The following NFAT5 variants were observed in gnomAD, a reference collection of about 807,000 sequenced individuals.
NFAT5 encodes nuclear factor of activated T cells 5.
In NFAT5, 31 loss-of-function variants were observed where a neutral mutation model predicts 166.5. That is an observed-to-expected ratio of 0.19 (90% CI 0.14 to 0.25). NFAT5 has a LOEUF of 0.25. Ranked by LOEUF, NFAT5 falls within the 10% of genes least tolerant of loss-of-function variation. The pLI is 1.00. For missense variants in NFAT5, 1,449 were observed against 1,821.8 expected, an observed-to-expected ratio of 0.80 and a Z score of 3.72; for synonymous variants, 612 against 639.7, an observed-to-expected ratio of 0.96 and a Z score of 0.65.
intron 6 of NFAT5, among the ~76,000 whole-genome samples, chr16:69,656,884 G>A (rs2035904102): frequency 1.3e-5 from 2 of 152,142 alleles, no homozygotes; most frequent in East Asian, 1.9e-4. Context: ...TTTAGATTAT[G>A]TGTTTTTCAT....
intron 2 of NFAT5, among the ~76,000 whole-genome samples, chr16:69,614,985 T>C (rs1206623175): frequency 6.6e-6 from 1 of 151,624 alleles, no homozygotes; most frequent in East Asian, 1.9e-4. Context: ...CAAGCAATTC[T>C]TGTGCCTCAG....
rs1000716592 is a variant in NFAT5 at position 69,691,893 on chromosome 16, C to G, written c.2068C>G (p.Pro690Ala). Residue 690 changes from proline (P) to alanine (A), a missense_variant, in exon 13 of 15, where the codon CCA becomes GCA. By Grantham distance (27) the Pro-to-Ala change is conservative (BLOSUM62 -1). Around this residue, in one of 7 missense-constraint regions of NFAT5, gnomAD observed 891 missense variants for 993.0 expected, o/e 0.90. Transcript: ENST00000349945. ...QQQIQPKAYN[P>A]ETLTTIQTQD... ...GCAGATTCAGCCCAAGGCATACAAC[C>G]CAGAGACCCTGACAACTATTCAAAC... 1 of 1,614,142 alleles carries G rather than the reference C, an allele frequency of 6.2e-7. No individual in the cohort carries two copies.
intron 2 of NFAT5, among the ~76,000 whole-genome samples, chr16:69,587,721 A>G (rs2032173463): frequency 6.6e-6 from 1 of 152,116 alleles, no homozygotes; most frequent in Non-Finnish European, 1.5e-5. Context: ...CAACTACTAA[A>G]GCATTTTCTA....
At chr16:69,644,692 G>A in intron 3 of NFAT5, 1 of 284,090 alleles carries the variant, frequency 3.5e-6, no homozygotes, top group Non-Finnish European at 7.1e-6. Context: ...TTACCTCAGA[G>A]AACAAGACAA....
chr16:69,608,563 T>C (rs1198449788), intron 2 of NFAT5, among the ~76,000 whole-genome samples: 1 of 151,250 alleles, frequency 6.6e-6, no homozygotes, highest in Non-Finnish European at 1.5e-5. Flanking sequence ...GAGTCCATCC[T>C]GGCTAACACG....
intron 7 of NFAT5, 68 bp from the exon 8 acceptor site, chr16:69,669,909 C>A: frequency 1.4e-6 from 2 of 1,388,218 alleles, no homozygotes; most frequent in South Asian, 1.5e-5. Flanking sequence ...CGGATGATTG[C>A]AAGTTGATTT....
chr16:69,585,138 C>T lies in NFAT5; in HGVS notation c.127+16590C>T, dbSNP rs890121934. On this transcript the variant is annotated intron_variant, in intron 2 of 14. Transcript: ENST00000349945. ...TCAGCCTCCCTAGTAGCTGGGACTACAGGCAGATGCCACCACGCCCAGCTA... is the reference window on the plus strand; with the variant it reads ...TCAGCCTCCCTAGTAGCTGGGACTATAGGCAGATGCCACCACGCCCAGCTA... Among the ~76,000 whole-genome samples the T allele has an allele frequency of 1.9e-3, 282 of 152,100 alleles. 5 individuals carry two copies. The highest frequency in any genetic ancestry group is 6.6e-4 in the Non-Finnish European group (45 of 68,000).
intron 4 of NFAT5, among the ~76,000 whole-genome samples, chr16:69,651,845 T>G (rs985021184): frequency 6.6e-6 from 1 of 151,928 alleles, no homozygotes; most frequent in Non-Finnish European, 1.5e-5. Context: ...TAATTTTTTG[T>G]AGTTTTAGTA....
At chr16:69,584,565 A>G (rs1314653049) in intron 2 of NFAT5, among the ~76,000 whole-genome samples, 1 of 151,878 alleles carries the variant, frequency 6.6e-6, no homozygotes, top group African/African-American at 2.4e-5. Flanking sequence ...CCTGACCTTA[A>G]GTAATCCACC....
Position 69,647,756 on chromosome 16 carries a change from A to G in NFAT5, c.812+170A>G, listed in dbSNP as rs1483792892. On this transcript the variant is annotated intron_variant, in intron 4 of 14. Transcript: ENST00000349945. This position sits in a 1 kb window ranked among gnomAD's most constrained non-coding sequence, Gnocchi z 4.8. The stretch of plus-strand genomic sequence containing the variant: ...TAACTTAAAATTACCAACTTTTACT[A>G]GATAGAAAATAAAATAATCATAGAT... Among the ~76,000 whole-genome samples the G allele has an allele frequency of 6.6e-6, 1 of 152,184 alleles. No homozygotes were observed. Among genetic ancestry groups the G allele is most frequent in the East Asian group, 1.9e-4 (1 of 5,204 alleles).
intron 2 of NFAT5, among the ~76,000 whole-genome samples, chr16:69,584,918 G>GTA (rs1258102614): frequency 6.6e-6 from 1 of 152,040 alleles, no homozygotes; most frequent in African/African-American, 2.4e-5. Context: ...ATATATACAT[G>GTA]TATATATATT....
chr16:69,587,698 T>G (rs1366715597), intron 2 of NFAT5, among the ~76,000 whole-genome samples: 1 of 152,172 alleles, frequency 6.6e-6, no homozygotes, highest in African/African-American at 2.4e-5. Context: ...CTAATTTCAC[T>G]TCTTATGGTC....
chr16:69,567,692 G>C (rs573055084), intron 1 of NFAT5, among the ~76,000 whole-genome samples: 7 of 152,146 alleles, frequency 4.6e-5, no homozygotes, highest in African/African-American at 1.4e-4. Flanking sequence ...ACTGTCTGTT[G>C]CTCCAATGAC....
intron 2 of NFAT5, among the ~76,000 whole-genome samples, chr16:69,622,284 T>C (rs1254672780): frequency 2.0e-5 from 3 of 152,208 alleles, no homozygotes; most frequent in African/African-American, 7.2e-5. Flanking sequence ...AAACCAGTTA[T>C]GTCTGAAATA....
intron 2 of NFAT5, among the ~76,000 whole-genome samples, chr16:69,608,384 G>A (rs967680078): frequency 6.6e-6 from 1 of 151,890 alleles, no homozygotes; most frequent in Non-Finnish European, 1.5e-5. Context: ...CTCCTTTCCA[G>A]TACTCTGCAT....
At chr16:69,589,401 G>T (rs1369111613) in intron 2 of NFAT5, among the ~76,000 whole-genome samples, 3 of 152,128 alleles carry the variant, frequency 2.0e-5, no homozygotes, top group African/African-American at 7.2e-5. Context: ...AGAACTGGAT[G>T]GTGTGTCCTA....
At chr16:69,635,073 C>T (rs1036457097) in intron 3 of NFAT5, among the ~76,000 whole-genome samples, 5 of 130,400 alleles carry the variant, frequency 3.8e-5, no homozygotes, top group East Asian at 2.2e-4. Flanking sequence ...TGCAATGGTG[C>T]GATCTCAGCT....
intron 9 of NFAT5, 42 bp from the exon 10 acceptor site, chr16:69,677,161 G>T (rs751972053): frequency 6.4e-7 from 1 of 1,562,734 alleles, no homozygotes; most frequent in Admixed American, 2.0e-5. Flanking sequence ...TTAAATTTAA[G>T]TATTGCTTCT....
At chr16:69,622,269 GAACCA>G (rs941249239) in intron 2 of NFAT5, among the ~76,000 whole-genome samples, 2 of 152,168 alleles carry the variant, frequency 1.3e-5, no homozygotes, top group African/African-American at 4.8e-5. Context: ...TAAAGTAGCA[GAACCA>G]AACCAGTTAT....
Sources: allele counts gnomAD v4.1 joint callset (sites outside exome capture counted in the v4.1 genomes callset), GRCh38; gene constraint gnomAD v4.1.1; regional missense constraint gnomAD v4.1.1; non-coding constraint Gnocchi (gnomAD v3.1); transcripts MANE v1.5; gene names NCBI Gene and HGNC (gene_info 2026-07-23, HGNC 2026-07-21).